CDH12: variants seen among roughly 807,000 people sequenced by gnomAD.
The protein encoded by CDH12 is cadherin-12.
Under a neutral mutation model 74.1 loss-of-function variants are expected in CDH12, and 41 were observed. That is an observed-to-expected ratio of 0.55 (90% CI 0.43 to 0.72). CDH12 has a LOEUF of 0.72. CDH12 is among the 30% of genes least tolerant of loss of function. CDH12 has a pLI of 0.00. For missense variants in CDH12, 945 were observed against 977.2 expected, an observed-to-expected ratio of 0.97 and a Z score of 0.44; for synonymous variants, 399 against 355.0, an observed-to-expected ratio of 1.12 and a Z score of -1.39.
At chr5:22,567,934 C>T (rs1739370541) in intron 1 of CDH12, among the ~76,000 whole-genome samples, 2 of 152,306 alleles carry the variant, frequency 1.3e-5, no homozygotes, top group Non-Finnish European at 2.9e-5. Context: ...CTATGGTAAC[C>T]TTATGGGAAC....
intron 1 of CDH12, among the ~76,000 whole-genome samples, chr5:22,636,951 T>C (rs2126864699): frequency 6.6e-6 from 1 of 152,216 alleles, no homozygotes; most frequent in South Asian, 2.1e-4. Flanking sequence ...TTCATATCGG[T>C]TTTATTTAGG....
chr5:22,773,990 A>G (rs1746955930), intron 1 of CDH12, among the ~76,000 whole-genome samples: 1 of 152,132 alleles, frequency 6.6e-6, no homozygotes, highest in South Asian at 2.1e-4. Context: ...AAAACAACAT[A>G]TACTGGTAAG....
At chr5:21,853,009 C>T (rs140970530) in intron 7 of CDH12, among the ~76,000 whole-genome samples, 5 of 151,410 alleles carry the variant, frequency 3.3e-5, no homozygotes, top group African/African-American at 1.2e-4. Flanking sequence ...AGCCTATTGT[C>T]CAGGCCTTCT....
intron 3 of CDH12, among the ~76,000 whole-genome samples, chr5:22,217,409 C>T (rs80350842): frequency 0.025 from 3,855 of 151,676 alleles, 70 homozygotes; most frequent in African/African-American, 0.052. Flanking sequence ...ATAATATTAA[C>T]ATATTTTGTG....
At chr5:22,839,183 C>A (rs2126518152) in intron 1 of CDH12, among the ~76,000 whole-genome samples, 1 of 152,010 alleles carries the variant, frequency 6.6e-6, no homozygotes, top group African/African-American at 2.4e-5. Flanking sequence ...TATCATGCTA[C>A]AACAAAAGGG....
chr5:22,357,294 T>C (rs1177595950), intron 3 of CDH12, among the ~76,000 whole-genome samples: 3 of 152,152 alleles, frequency 2.0e-5, no homozygotes, highest in Non-Finnish European at 1.5e-5. Flanking sequence ...TTCTAGTGTT[T>C]ACTTATATGT....
intron 5 of CDH12, among the ~76,000 whole-genome samples, chr5:21,981,420 T>C (rs1376733529): frequency 1.3e-5 from 2 of 152,128 alleles, no homozygotes; most frequent in Admixed American, 1.3e-4. Context: ...CATTTGTCTA[T>C]CTGTTAACCC....
intron 4 of CDH12, among the ~76,000 whole-genome samples, chr5:22,199,883 T>C (rs1363866105): frequency 6.6e-6 from 1 of 152,218 alleles, no homozygotes; most frequent in Non-Finnish European, 1.5e-5. Flanking sequence ...AATCACTTCT[T>C]TTCCTGACAA....
At chr5:22,329,748 C>T (rs1437293051) in intron 3 of CDH12, among the ~76,000 whole-genome samples, 2 of 152,200 alleles carry the variant, frequency 1.3e-5, no homozygotes, top group East Asian at 1.9e-4. Flanking sequence ...CCTATCACAA[C>T]AGAATAAATC....
At chr5:22,429,440 T>G (rs2126516664) in intron 2 of CDH12, among the ~76,000 whole-genome samples, 1 of 152,164 alleles carries the variant, frequency 6.6e-6, no homozygotes, top group Non-Finnish European at 1.5e-5. Flanking sequence ...TGCCTGGCTA[T>G]CTCAACTTCT....
intron 6 of CDH12, among the ~76,000 whole-genome samples, chr5:21,887,669 C>G (rs569919034): frequency 6.6e-6 from 1 of 152,248 alleles, no homozygotes; most frequent in South Asian, 2.1e-4. Flanking sequence ...TGATTCACAC[C>G]ATGGACTTTT....
chr5:22,675,788 A>C (rs1209838632), intron 1 of CDH12, among the ~76,000 whole-genome samples: 4 of 149,654 alleles, frequency 2.7e-5, no homozygotes, highest in Admixed American at 6.7e-5. Flanking sequence ...GCCCAGTCTT[A>C]GGTATGTCTT....
chr5:22,336,824 T>C (rs547925036), intron 3 of CDH12, among the ~76,000 whole-genome samples: 7 of 152,316 alleles, frequency 4.6e-5, no homozygotes, highest in East Asian at 3.9e-4. Flanking sequence ...AGAGTCCCTA[T>C]TGGGGCACTG....
At chr5:21,900,908 A>C (rs1052242227) in intron 6 of CDH12, among the ~76,000 whole-genome samples, 9 of 152,218 alleles carry the variant, frequency 5.9e-5, no homozygotes, top group African/African-American at 2.2e-4. Flanking sequence ...TGAGCATCAC[A>C]GCCCACATAG....
chr5:22,609,849 CA>C (rs1737306544), intron 1 of CDH12, among the ~76,000 whole-genome samples: 1 of 152,136 alleles, frequency 6.6e-6, no homozygotes, highest in East Asian at 1.9e-4. Context: ...TAGAGTAAGT[CA>C]AATAAAGTAG....
chr5:21,762,507 T>C (rs1008653819), intron 12 of CDH12, among the ~76,000 whole-genome samples: 19 of 152,096 alleles, frequency 1.2e-4, no homozygotes, highest in African/African-American at 3.9e-4. Flanking sequence ...ACATTTCTCA[T>C]ATATTACAAT....
At position 22,572,071 on chromosome 5, in the gene CDH12, A is replaced by G. The variant is rs147804192; in HGVS notation, c.-522-66707T>C. The stretch of plus-strand genomic sequence containing the variant: ...ACCTTCAGTTTGTAAAAACAACACA[A>G]TATCTGCAAAGTGCACTAAAATAAG... On this transcript the variant is annotated intron_variant, in intron 1 of 14. Coordinates refer to ENST00000382254, the MANE Select transcript of CDH12 (RefSeq NM_004061.5). Among the ~76,000 whole-genome samples the G allele has an allele frequency of 5.9e-4, 90 of 152,300 alleles. No homozygotes were observed. In the East Asian group the frequency reaches 0.017, roughly 28 times the overall value.
chr5:22,675,876 T>TATATATATATATATATATATATATATAC (rs1650265353), intron 1 of CDH12, among the ~76,000 whole-genome samples: 1 of 142,546 alleles, frequency 7.0e-6, no homozygotes, highest in African/African-American at 2.6e-5. Context: ...ATCTCATATA[T>TATATATATATATATATATATATATATAC]ATATATATAT....
At chr5:21,775,729 TA>T (rs75838251) in intron 11 of CDH12, among the ~76,000 whole-genome samples, 1 of 151,860 alleles carries the variant, frequency 6.6e-6, no homozygotes, top group Non-Finnish European at 1.5e-5. Flanking sequence ...TAATTTTTTT[TA>T]AAAAAATAAT....
Sources: gnomAD v4.1 joint callset for allele counts (sites outside exome capture counted in the v4.1 genomes callset) on GRCh38, gnomAD v4.1.1 for gene constraint, MANE v1.5 for transcripts, NCBI Gene and HGNC (gene_info 2026-07-23, HGNC 2026-07-21) for gene names.